Variants in MITD1 observed in about 807,000 individuals in gnomAD.
The protein encoded by MITD1 is microtubule interacting and trafficking domain containing 1.
A neutral mutation model predicts 34.9 loss-of-function variants in MITD1; 24 were observed. The ratio of observed to expected loss-of-function variants is 0.69; its 90% CI spans 0.50 to 0.97. The LOEUF (loss-of-function observed/expected upper bound fraction) is 0.97, where lower values mean the gene tolerates loss of function less well. Ranked by LOEUF, MITD1 falls within the 50% of genes least tolerant of loss-of-function variation. MITD1 has a pLI of 0.00. For missense variants in MITD1, 266 were observed against 294.6 expected, an observed-to-expected ratio of 0.90 and a Z score of 0.71; for synonymous variants, 102 against 101.4, an observed-to-expected ratio of 1.01 and a Z score of -0.04.
At chr2:99,178,120 C>G (rs1273755037) in intron 1 of MITD1, among the ~76,000 whole-genome samples, 1 of 152,152 alleles carries the variant, frequency 6.6e-6, no homozygotes, top group Non-Finnish European at 1.5e-5. Context: ...CCTATCTTAG[C>G]TATTATGAAT....
intron 1 of MITD1, among the ~76,000 whole-genome samples, chr2:99,178,519 T>C (rs1280945672): frequency 1.3e-5 from 2 of 152,268 alleles, no homozygotes; most frequent in African/African-American, 2.4e-5. Flanking sequence ...TAAAAATAAA[T>C]TGGCAAAACA....
In MITD1 at chr2:99,171,571, T is replaced by C; in HGVS notation, c.329A>G (p.Tyr110Cys). The C allele has an allele frequency of 6.2e-7, 1 of 1,612,674 alleles. No homozygotes were observed. The highest frequency in any genetic ancestry group is 8.5e-7 in the Non-Finnish European group (1 of 1,178,912). The part of the protein sequence containing the change: ...GFSYESLFRE[Y>C]LNETVTEVWI... ...AACTTCTGTAACTGTCTCATTAAGG[T>C]ATTCGCGAAAAAGTGACTCATAACT... Residue 110 changes from tyrosine to cysteine, a missense_variant, in exon 3 of 7, where the codon TAC becomes TGC. Physicochemically the swap from Tyr to Cys is radical, Grantham distance 194 (BLOSUM62 -2). Transcript: ENST00000289359.
At chr2:99,167,231 C>T (rs962311380), downstream of MITD1, among the ~76,000 whole-genome samples, 3 of 151,940 alleles carry the variant, frequency 2.0e-5, no homozygotes, top group African/African-American at 7.2e-5. Context: ...GTGTTACTCT[C>T]TTTTGTCATT....
intron 1 of MITD1, 83 bp from the exon 2 acceptor site, chr2:99,174,099 T>G (rs983882166): frequency 1.9e-5 from 14 of 751,338 alleles, no homozygotes; most frequent in Admixed American, 8.9e-5. Flanking sequence ...TTCTCAAGTT[T>G]TCTACAAATT....
chr2:99,175,847 T>C (rs1024800801), intron 1 of MITD1, among the ~76,000 whole-genome samples: 2 of 152,258 alleles, frequency 1.3e-5, no homozygotes, highest in Non-Finnish European at 2.9e-5. Context: ...TTTTATCAGC[T>C]TTGGCTTTGA....
chr2:99,167,525 T>C (rs979150820), downstream of MITD1, among the ~76,000 whole-genome samples: 2 of 152,182 alleles, frequency 1.3e-5, no homozygotes, highest in African/African-American at 4.8e-5. Context: ...TTTATAGAAG[T>C]TGGATAAAAG....
Position 99,170,655 on chromosome 2 carries a change from G to C in MITD1, c.478-3C>G. 3 of 1,443,598 alleles carry C rather than the reference G, an allele frequency of 2.1e-6. No homozygotes were observed. The highest frequency in any genetic ancestry group is 2.9e-6 in the Non-Finnish European group (3 of 1,027,842). 89.4% of individuals were successfully genotyped at this position (1,443,598 alleles called of 1,614,324 possible). ...CTTTGCTGCACTTGCTCAATGCCCT[G>C]TTAATAGCAAAAATACGATTATCTG... On this transcript the variant is annotated splice_polypyrimidine_tract_variant and splice_region_variant and intron_variant, in intron 4 of 6. Transcript: ENST00000289359.
At chr2:99,171,853 G>A in intron 2 of MITD1, 8 of 511,772 alleles carry the variant, frequency 1.6e-5, no homozygotes, top group Non-Finnish European at 6.8e-6. Flanking sequence ...CTCCATTAGT[G>A]ATTTCTGCCT....
Position 99,169,614 on chromosome 2 carries a change from T to C in MITD1, c.594-4A>G. The C allele has an allele frequency of 6.3e-7, 1 of 1,590,200 alleles. No homozygotes were observed. The highest frequency in any genetic ancestry group is 1.1e-5 in the South Asian group (1 of 90,582). On this transcript the variant is annotated splice_region_variant and splice_polypyrimidine_tract_variant and intron_variant, in intron 5 of 6. Coordinates refer to ENST00000289359, the MANE Select transcript of MITD1 (RefSeq NM_138798.3). ...AATCATCCATCCATTGTTGAACCTG[T>C]TGAAATTAGTATATAGTATTATATT...
chr2:99,170,663 CA>C lies in MITD1; in HGVS notation c.478-12del. 1 of 1,294,684 alleles carries C rather than the reference CA, an allele frequency of 7.7e-7. No individual in the cohort carries two copies. The highest frequency in any genetic ancestry group is 1.1e-6 in the Non-Finnish European group (1 of 892,516). The allele number at this position is 1,294,684 out of a possible 1,614,324, so 80.2% of individuals were successfully genotyped here. A position where few individuals can be genotyped will look rare whatever the true frequency, so the allele number is the denominator to read the frequency against. ...CACTTGCTCAATGCCCTGTTAATAG[CA>C]AAAATACGATTATCTGCCGCAGTTA... On this transcript the variant is annotated splice_polypyrimidine_tract_variant and intron_variant, in intron 4 of 6. Coordinates refer to ENST00000289359, the MANE Select transcript of MITD1 (RefSeq NM_138798.3).
chr2:99,162,317 CAAAA>C, intron 7 of MITD1: 2 of 1,610,302 alleles, frequency 1.2e-6, no homozygotes, highest in Non-Finnish European at 1.7e-6. Context: ...TCTTTACAAC[CAAAA>C]AAAAGTATGA....
Position 99,180,958 on chromosome 2 carries a change from C to T in MITD1, c.24G>A (p.Gln8=). The T allele has an allele frequency of 6.2e-7, 1 of 1,613,854 alleles. No homozygotes were observed. Among genetic ancestry groups the T allele is most frequent in the Non-Finnish European group, 8.5e-7 (1 of 1,179,900 alleles). ...TGGCTGCAGCTGTGCTCTGCGGGTC[C>T]TGCCTCAGCCCGGACTTCGCCATAA... The part of the protein sequence containing the change: MAKSGLR[Q]DPQSTAAATV... The change falls in exon 1 of 7, where the codon CAG becomes CAA. Residue 8 remains glutamine (Q), a synonymous_variant. Transcript: ENST00000289359.
chr2:99,171,667 C>T (rs1164609674), intron 2 of MITD1, 21 bp from the exon 3 acceptor site: 3 of 1,591,890 alleles, frequency 1.9e-6, no homozygotes, highest in East Asian at 2.2e-5. Context: ...CAGGCTTCAA[C>T]AGTAAAACCA....
intron 1 of MITD1, among the ~76,000 whole-genome samples, chr2:99,177,655 T>C (rs1247543314): frequency 1.3e-5 from 2 of 148,462 alleles, no homozygotes; most frequent in African/African-American, 4.9e-5. Flanking sequence ...CCAGAATTTA[T>C]TCCTCTTATT....
chr2:99,164,453 G>A (rs1429552310), downstream of MITD1, among the ~76,000 whole-genome samples: 1 of 152,120 alleles, frequency 6.6e-6, no homozygotes, highest in South Asian at 2.1e-4. Flanking sequence ...TGGAGTAGCC[G>A]GAACTACAGA....
chr2:99,163,542 G>A (rs2093812504), intron 7 of MITD1, among the ~76,000 whole-genome samples: 1 of 151,968 alleles, frequency 6.6e-6, no homozygotes, highest in Admixed American at 6.6e-5. Context: ...TGGCCAGGCT[G>A]GTCTCAAACT....
Position 99,180,894 on chromosome 2 carries a change from G to A in MITD1, c.88C>T (p.Arg30Trp), listed in dbSNP as rs985706888. The change falls in exon 1 of 7, where the codon CGG becomes TGG. Residue 30 changes from arginine (R) to tryptophan (W), a missense_variant. Coordinates refer to ENST00000289359, the MANE Select transcript of MITD1 (RefSeq NM_138798.3). ...KRAVELDSES[R>W]YPQALVCYQE... Reference sequence around the variant, plus strand: ...TAACACACCAGAGCCTGCGGATACCGCGACTCCGAATCTAGTTCTACTGCC... The same window carrying A: ...TAACACACCAGAGCCTGCGGATACCACGACTCCGAATCTAGTTCTACTGCC... 1.9e-6 allele frequency: 3 copies of A among 1,614,196 alleles called. No homozygotes were observed. The highest frequency in any genetic ancestry group is 2.5e-6 in the Non-Finnish European group (3 of 1,180,028).
intron 1 of MITD1, among the ~76,000 whole-genome samples, chr2:99,178,719 C>T (rs2093900026): frequency 6.6e-6 from 1 of 152,036 alleles, no homozygotes; most frequent in South Asian, 2.1e-4. Flanking sequence ...AGAGCACATT[C>T]CTGAAAGAGA....
At chr2:99,163,092 G>A in intron 7 of MITD1, 2 of 1,454,510 alleles carry the variant, frequency 1.4e-6, no homozygotes, top group Non-Finnish European at 1.8e-6. Flanking sequence ...CCAAGTAAAT[G>A]TCTTAATACA....
Sources: gnomAD v4.1 joint callset for allele counts (sites outside exome capture counted in the v4.1 genomes callset) on GRCh38, gnomAD v4.1.1 for gene constraint, MANE v1.5 for transcripts, NCBI Gene and HGNC (gene_info 2026-07-23, HGNC 2026-07-21) for gene names.